HMCN1: variants seen among roughly 807,000 people sequenced by gnomAD.
The protein encoded by HMCN1 is hemicentin-1.
HMCN1 carries 321 observed loss-of-function variants against 625.9 expected under a neutral mutation model. The ratio of observed to expected loss-of-function variants is 0.51; its 90% confidence interval spans 0.47 to 0.56. The LOEUF is 0.56. Ranked by LOEUF, HMCN1 falls within the 20% of genes least tolerant of loss-of-function variation. The pLI, the probability that HMCN1 is intolerant of heterozygous loss-of-function variation, is 0.00. For missense variants in HMCN1, 6,588 were observed against 6,887.3 expected, an observed-to-expected ratio of 0.96 and a Z score of 1.54; for synonymous variants, 2,425 against 2,417.6, an observed-to-expected ratio of 1.00 and a Z score of -0.09.
At chr1:186,140,858 T>C (rs982897410) in intron 89 of HMCN1, among the ~76,000 whole-genome samples, 5 of 152,288 alleles carry the variant, frequency 3.3e-5, no homozygotes, top group Admixed American at 6.5e-5. Flanking sequence ...CCTAACCTTT[T>C]TGGCACCAGG....
chr1:185,865,617 AC>A, intron 3 of HMCN1, 123 bp from the exon 4 acceptor site: 4 of 732,268 alleles, frequency 5.5e-6, no homozygotes, highest in Non-Finnish European at 9.4e-6. Context: ...ACACACACAC[AC>A]ACACACACAC....
rs1320057547 is a variant in HMCN1 at position 185,977,890 on chromosome 1, A to G, written c.2475A>G (p.Lys825=). Residue 825 remains lysine, a synonymous_variant, in exon 16 of 107, where the codon AAA becomes AAG. Transcript: ENST00000271588. ...YVQGYPEPTI[K]WRRLDNMPIF... is the part of the protein sequence containing the mutation. ...AGGGTTATCCAGAACCAACAATCAA[A>G]TGGCGAAGATTAGACAACATGCCAA... 4.3e-6 allele frequency: 7 copies of G among 1,613,324 alleles called. No homozygotes were observed. Among genetic ancestry groups the G allele is most frequent in the South Asian group, 2.2e-5 (2 of 91,074 alleles).
At chr1:186,035,106 T>C (rs1199200843) in intron 36 of HMCN1, among the ~76,000 whole-genome samples, 6 of 152,212 alleles carry the variant, frequency 3.9e-5, no homozygotes, top group Non-Finnish European at 8.8e-5. Flanking sequence ...TCTTCCTTTT[T>C]TTCTTTTCCA....
chr1:186,117,452 G>A lies in HMCN1; in HGVS notation c.11684-7G>A. On this transcript the variant is annotated splice_polypyrimidine_tract_variant and splice_region_variant and intron_variant, in intron 76 of 106. Transcript: ENST00000271588. ...TTTTTCCCTTTTTGTTGTTGTTGTT[G>A]TTTTAGTTCCACCTTCCATAGCTGA... 1.2e-6 allele frequency: 2 copies of A among 1,613,134 alleles called. No individual in the cohort carries two copies. The highest frequency in any genetic ancestry group is 1.7e-6 in the Non-Finnish European group (2 of 1,179,476).
chr1:186,133,033 G>A (rs949960040), intron 86 of HMCN1, among the ~76,000 whole-genome samples: 1 of 152,146 alleles, frequency 6.6e-6, no homozygotes, highest in African/African-American at 2.4e-5. Flanking sequence ...TCTTAATCCA[G>A]TCTATCATTG....
intron 1 of HMCN1, among the ~76,000 whole-genome samples, chr1:185,742,485 C>T (rs997708997): frequency 8.6e-5 from 13 of 151,944 alleles, no homozygotes; most frequent in African/African-American, 2.9e-4. Context: ...TCATTTGAAA[C>T]CATAATGAAT....
chr1:185,937,882 AAATAATAAT>A (rs200950894), intron 11 of HMCN1, among the ~76,000 whole-genome samples: 4,851 of 142,604 alleles, frequency 0.034, 256 homozygotes, highest in African/African-American at 0.11. Context: ...CTCCATCTCA[AAATAATAAT>A]AATAATAATA....
chr1:186,142,395 T>G (rs1228393121), intron 89 of HMCN1, among the ~76,000 whole-genome samples: 1 of 152,200 alleles, frequency 6.6e-6, no homozygotes, highest in Non-Finnish European at 1.5e-5. Context: ...CACATTTTCT[T>G]TATCCAGTCT....
chr1:186,131,423 C>CTATT (rs1661926997), intron 85 of HMCN1, among the ~76,000 whole-genome samples: 2 of 152,090 alleles, frequency 1.3e-5, no homozygotes, highest in South Asian at 4.1e-4. Flanking sequence ...TCCTCTATTA[C>CTATT]TATTTCTGAA....
intron 4 of HMCN1, among the ~76,000 whole-genome samples, chr1:185,904,883 A>G (rs1181981006): frequency 2.0e-5 from 3 of 151,768 alleles, no homozygotes; most frequent in Non-Finnish European, 4.4e-5. Context: ...AGATGGATGC[A>G]TTTACACCTA....
chr1:185,887,462 C>T (rs1239071818), intron 4 of HMCN1, among the ~76,000 whole-genome samples: 5 of 149,570 alleles, frequency 3.3e-5, no homozygotes, highest in East Asian at 2.0e-4. Context: ...CCCCCCTCCC[C>T]GCACCCCACA....
chr1:186,112,973 G>T lies in HMCN1; in HGVS notation c.11131+20G>T, dbSNP rs1243449536. 3 of 1,613,116 alleles carry T rather than the reference G, an allele frequency of 1.9e-6. No individual in the cohort carries two copies. The highest frequency in any genetic ancestry group is 1.7e-6 in the Non-Finnish European group (2 of 1,179,674). ...TAAATGGTAAGAAAAGGTATTCATTGTTCCACAATTTAAAAATCTGACCAA... is the reference window on the plus strand; with the variant it reads ...TAAATGGTAAGAAAAGGTATTCATTTTTCCACAATTTAAAAATCTGACCAA... On this transcript the variant is annotated intron_variant, in intron 72 of 106. Coordinates refer to ENST00000271588, the MANE Select transcript of HMCN1 (RefSeq NM_031935.3).
chr1:186,111,027 T>C (rs1295421038), intron 71 of HMCN1, among the ~76,000 whole-genome samples: 32 of 135,824 alleles, frequency 2.4e-4, no homozygotes, highest in African/African-American at 8.3e-4. Context: ...GTCGCCCAGG[T>C]TGGCATGCAG....
At chr1:185,859,499 T>A (rs1662731531) in intron 2 of HMCN1, among the ~76,000 whole-genome samples, 1 of 152,190 alleles carries the variant, frequency 6.6e-6, no homozygotes, top group African/African-American at 2.4e-5. Flanking sequence ...AAATTAGCAC[T>A]GCTTTAGTTT....
rs758763928 is a variant in HMCN1, at chr1:186,136,791, C to G, written c.13436C>G (p.Ser4479Cys). The G allele has an allele frequency of 1.2e-6, 2 of 1,614,030 alleles. No individual in the cohort carries two copies. The highest frequency in any genetic ancestry group is 1.7e-5 in the Admixed American group (1 of 59,994). ...PTITWSRQGH[S>C]ISWDDRVNVL... ...ATTACATGGTCCCGTCAAGGGCACT[C>G]TATTTCCTGGGATGACCGGGTTAAC... The change falls in exon 87 of 107, where the codon TCT becomes TGT. Residue 4479 changes from serine to cysteine, a missense_variant. Physicochemically the swap from Ser to Cys is moderately radical, Grantham distance 112. Around this residue, in one of 3 missense-constraint regions of HMCN1, gnomAD observed 1,954 missense variants for 2,013.1 expected, o/e 0.97. Coordinates refer to ENST00000271588, the MANE Select transcript of HMCN1 (RefSeq NM_031935.3).
Position 185,899,034 on chromosome 1 carries a change from C to T in HMCN1, c.622-10303C>T, listed in dbSNP as rs562413757. 9.3e-4 allele frequency among the ~76,000 whole-genome samples: 141 copies of T among 152,128 alleles called. 1 individual carries two copies. The highest frequency in any genetic ancestry group is 3.4e-3 in the African/African-American group (139 of 41,490). ...CTTCAGGGCCCTTCTTTTGTGTGGA[C>T]CCCTTCCAAGTCTCTAAAAAGGGTA... On this transcript the variant is annotated intron_variant, in intron 4 of 106. Transcript: ENST00000271588.
At chr1:186,017,658 T>TA in intron 33 of HMCN1, among the ~76,000 whole-genome samples, 1 of 152,168 alleles carries the variant, frequency 6.6e-6, no homozygotes, top group Non-Finnish European at 1.5e-5. Context: ...AATATAATGC[T>TA]ATATGATTTC....
At chr1:185,987,327 C>A in intron 19 of HMCN1, 105 bp from the exon 20 acceptor site, 2 of 777,900 alleles carry the variant, frequency 2.6e-6, no homozygotes, top group Non-Finnish European at 4.7e-6. Context: ...AATAATTGCT[C>A]ATTTTTACAA....
At chr1:185,990,545 T>G (rs1652355122) in intron 22 of HMCN1, 102 bp downstream of exon 22, 2 of 967,978 alleles carry the variant, frequency 2.1e-6, no homozygotes, top group Non-Finnish European at 3.3e-6. Flanking sequence ...AAAAATCACC[T>G]TTAAAATTGA....
Sources: gnomAD v4.1 joint callset for allele counts (sites outside exome capture counted in the v4.1 genomes callset) on GRCh38, gnomAD v4.1.1 for gene constraint, gnomAD v4.1.1 regional missense constraint, MANE v1.5 for transcripts, NCBI Gene and HGNC (gene_info 2026-07-23, HGNC 2026-07-21) for gene names.